Variants in MGAT4A observed in about 807,000 individuals in gnomAD.
The protein encoded by MGAT4A is N-acetylglucosaminyltransferase IVa.
In MGAT4A, 33 loss-of-function variants were observed where a neutral mutation model predicts 74.1. The observed-to-expected ratio is 0.45, with a 90% CI of 0.34 to 0.60. MGAT4A has a LOEUF of 0.60. MGAT4A is among the 20% of genes least tolerant of loss of function. MGAT4A has a pLI of 0.02. For synonymous variants in MGAT4A, 198 were observed against 210.4 expected, an observed-to-expected ratio of 0.94 and a Z score of 0.51; for missense variants, 479 against 628.3, an observed-to-expected ratio of 0.76 and a Z score of 2.54.
intron 14 of MGAT4A, among the ~76,000 whole-genome samples, chr2:98,632,096 C>T (rs767931400): frequency 1.3e-5 from 2 of 150,636 alleles, no homozygotes; most frequent in Admixed American, 6.6e-5. Context: ...GGCGGCAAAG[C>T]GAGACTCTGT....
At chr2:98,647,411 T>C (rs993747771) in intron 8 of MGAT4A, among the ~76,000 whole-genome samples, 14 of 152,028 alleles carry the variant, frequency 9.2e-5, no homozygotes, top group African/African-American at 3.1e-4. Context: ...GCCTCTTGGG[T>C]TCAAGTGATT....
chr2:98,698,685 T>C (rs757770104), intron 2 of MGAT4A, among the ~76,000 whole-genome samples: 1 of 152,308 alleles, frequency 6.6e-6, no homozygotes, highest in East Asian at 1.9e-4. Context: ...GCCCAGGATC[T>C]TTCTTGCTTC....
chr2:98,697,012 A>G (rs1702283772), intron 2 of MGAT4A, among the ~76,000 whole-genome samples: 1 of 152,224 alleles, frequency 6.6e-6, no homozygotes, highest in Non-Finnish European at 1.5e-5. Flanking sequence ...GTATTTTACT[A>G]TAGATCAATT....
At chr2:98,710,034 T>A (rs572663816) in intron 2 of MGAT4A, among the ~76,000 whole-genome samples, 1 of 151,878 alleles carries the variant, frequency 6.6e-6, no homozygotes, top group African/African-American at 2.4e-5. Context: ...CTGGTTAAAT[T>A]GGAAAAAAAA....
intron 2 of MGAT4A, among the ~76,000 whole-genome samples, chr2:98,684,406 T>C (rs1702101204): frequency 6.6e-6 from 1 of 152,230 alleles, no homozygotes; most frequent in African/African-American, 2.4e-5. Context: ...ATCTAACTTT[T>C]TTAATTGTAG....
Position 98,624,801 on chromosome 2 carries a change from A to G in MGAT4A, c.*765T>C. ...TATCAGACTGACTTTCTGTGGCTAT[A>G]CACCATACACAGTATAGTAAAGTAA... On this transcript the variant is annotated 3_prime_UTR_variant, in exon 16 of 16. Transcript: ENST00000393487. The G allele has an allele frequency of 1.0e-6, 1 of 985,002 alleles. No individual in the cohort carries two copies. Among genetic ancestry groups the G allele is most frequent in the Non-Finnish European group, 1.2e-6 (1 of 829,104 alleles). 61.0% of individuals were successfully genotyped at this position (985,002 alleles called of 1,614,324 possible). A position where few individuals can be genotyped will look rare whatever the true frequency, so the allele number is the denominator to read the frequency against.
intron 2 of MGAT4A, among the ~76,000 whole-genome samples, chr2:98,704,622 G>A (rs186924648): frequency 1.1e-4 from 16 of 151,934 alleles, no homozygotes; most frequent in Admixed American, 1.0e-3. Context: ...GAAAAAATTA[G>A]CCAGGCATGG....
intron 8 of MGAT4A, among the ~76,000 whole-genome samples, chr2:98,650,204 G>A (rs1209234238): frequency 6.6e-6 from 1 of 152,054 alleles, no homozygotes; most frequent in African/African-American, 2.4e-5. Flanking sequence ...CTTAAAGATA[G>A]GACTTTTGAA....
At chr2:98,646,167 T>TC (rs1392647385) in intron 8 of MGAT4A, among the ~76,000 whole-genome samples, 1 of 152,148 alleles carries the variant, frequency 6.6e-6, no homozygotes, top group Non-Finnish European at 1.5e-5. Context: ...TACATCTTAA[T>TC]CCAGTTTGAA....
Position 98,621,327 on chromosome 2 carries a change from C to G in MGAT4A, c.*4239G>C. 1 of 1,467,098 alleles carries G rather than the reference C, an allele frequency of 6.8e-7. No individual in the cohort carries two copies. Among genetic ancestry groups the G allele is most frequent in the Non-Finnish European group, 9.1e-7 (1 of 1,102,916 alleles). 90.9% of individuals were successfully genotyped at this position (1,467,098 alleles called of 1,614,324 possible). A position where few individuals can be genotyped will look rare whatever the true frequency, so the allele number is the denominator to read the frequency against. Reference sequence around the variant, plus strand: ...ATGAGCTTATGGGCTGAATTCAGTTCCCGTGGCTGTAGGACTGCAGTTCCC... The same window carrying G: ...ATGAGCTTATGGGCTGAATTCAGTTGCCGTGGCTGTAGGACTGCAGTTCCC... On this transcript the variant is annotated 3_prime_UTR_variant, in exon 16 of 16. Coordinates refer to ENST00000393487, the MANE Select transcript of MGAT4A (RefSeq NM_012214.3).
intron 2 of MGAT4A, among the ~76,000 whole-genome samples, chr2:98,710,806 G>C (rs1702504946): frequency 6.6e-6 from 1 of 152,066 alleles, no homozygotes; most frequent in Non-Finnish European, 1.5e-5. Flanking sequence ...CAATACATTT[G>C]TTATTTCCTT....
chr2:98,669,227 G>A (rs1559164625), intron 4 of MGAT4A, among the ~76,000 whole-genome samples: 2 of 152,130 alleles, frequency 1.3e-5, no homozygotes. Context: ...CATGTTGTGG[G>A]AGGGACCCGG....
At chr2:98,655,097 T>C (rs527624100) in intron 8 of MGAT4A, among the ~76,000 whole-genome samples, 10 of 151,990 alleles carry the variant, frequency 6.6e-5, no homozygotes, top group South Asian at 2.1e-4. Context: ...TAAAGAAAAA[T>C]TGTAAGAAAA....
At chr2:98,712,839 G>A (rs569251120) in intron 2 of MGAT4A, among the ~76,000 whole-genome samples, 9 of 152,126 alleles carry the variant, frequency 5.9e-5, no homozygotes, top group Non-Finnish European at 1.3e-4. Context: ...GCTTCCTAGT[G>A]GAAATACACA....
chr2:98,638,988 A>G (rs555897402), intron 12 of MGAT4A, among the ~76,000 whole-genome samples: 1 of 152,314 alleles, frequency 6.6e-6, no homozygotes, highest in Non-Finnish European at 1.5e-5. Context: ...AATCACGACT[A>G]TTAAATTAAA....
At chr2:98,639,111 C>T (rs1701364785) in intron 12 of MGAT4A, among the ~76,000 whole-genome samples, 1 of 152,036 alleles carries the variant, frequency 6.6e-6, no homozygotes, top group Non-Finnish European at 1.5e-5. Flanking sequence ...ATGGTGAAAC[C>T]CTGTCTCTAC....
intron 6 of MGAT4A, among the ~76,000 whole-genome samples, chr2:98,656,871 A>G (rs551349097): frequency 1.3e-5 from 2 of 152,298 alleles, no homozygotes; most frequent in East Asian, 3.9e-4. Context: ...CAAAAACCAA[A>G]GCTCTTACAT....
At chr2:98,691,519 T>C (rs1234791580) in intron 2 of MGAT4A, among the ~76,000 whole-genome samples, 1 of 152,068 alleles carries the variant, frequency 6.6e-6, no homozygotes, top group East Asian at 1.9e-4. Context: ...CATAACACAA[T>C]GCATGACTCA....
chr2:98,699,047 G>C (rs1049522327), intron 2 of MGAT4A, among the ~76,000 whole-genome samples: 47 of 152,164 alleles, frequency 3.1e-4, no homozygotes, highest in African/African-American at 9.7e-5. Flanking sequence ...GGACTCACAG[G>C]ACTCACCATT....
Sources: gnomAD v4.1 joint callset for allele counts (sites outside exome capture counted in the v4.1 genomes callset) on GRCh38, gnomAD v4.1.1 for gene constraint, MANE v1.5 for transcripts, NCBI Gene and HGNC (gene_info 2026-07-23, HGNC 2026-07-21) for gene names.